ZNF638: variants seen among roughly 807,000 people sequenced by gnomAD.
ZNF638 encodes zinc finger protein 638.
ZNF638 carries 46 observed loss-of-function variants against 195.6 expected under a neutral mutation model. That is an observed-to-expected ratio of 0.24 (90% CI 0.19 to 0.30). The LOEUF is 0.30. ZNF638 is among the 10% of genes least tolerant of loss of function. The pLI, the probability that ZNF638 is intolerant of heterozygous loss-of-function variation, is 1.00. For synonymous variants in ZNF638, 845 were observed against 772.0 expected (o/e 1.09, Z -1.57); for missense variants, 2,440 against 2,325.3 (o/e 1.05, Z -1.01).
At chr2:71,421,976 A>G (rs1164223273) in intron 21 of ZNF638, among the ~76,000 whole-genome samples, 2 of 152,208 alleles carry the variant, frequency 1.3e-5, no homozygotes, top group African/African-American at 2.4e-5. Flanking sequence ...ATTTGGGAAG[A>G]CCATGATGAA....
chr2:71,363,233 T>C (rs750529683), intron 4 of ZNF638, 42 bp downstream of exon 4: 3 of 1,391,406 alleles, frequency 2.2e-6, no homozygotes, highest in Non-Finnish European at 3.0e-6. Flanking sequence ...CCTGATTGTC[T>C]TTTAAAAGTA....
chr2:71,368,911 C>T (rs6740645), intron 7 of ZNF638, among the ~76,000 whole-genome samples: 72,874 of 152,128 alleles, frequency 0.48, 18,950 homozygotes, highest in Admixed American at 0.61. Context: ...TACTTTAGAA[C>T]ACCAGTTAGA....
intron 20 of ZNF638, chr2:71,408,773 A>G: frequency 2.3e-6 from 1 of 440,278 alleles, no homozygotes; most frequent in South Asian, 1.7e-5. Flanking sequence ...GTATGCTGAT[A>G]TCAGAGGTAA....
At chr2:71,432,127 CTCAA>C (rs898142145) in intron 26 of ZNF638, among the ~76,000 whole-genome samples, 1 of 152,200 alleles carries the variant, frequency 6.6e-6, no homozygotes, top group African/African-American at 2.4e-5. Context: ...CATCATACTC[CTCAA>C]TCAGACAGTT....
At position 71,423,884 on chromosome 2, in the gene ZNF638, A is replaced by T. The variant is rs1304289088; in HGVS notation, c.4370A>T (p.Lys1457Ile). 1.2e-6 allele frequency: 2 copies of T among 1,613,990 alleles called. No individual in the cohort carries two copies. The highest frequency in any genetic ancestry group is 1.7e-6 in the Non-Finnish European group (2 of 1,180,006). Residue 1457 changes from lysine to isoleucine, a missense_variant, in exon 22 of 28, where the codon AAA becomes ATA. Physicochemically the swap from Lys to Ile is moderately radical, Grantham distance 102. Coordinates refer to ENST00000264447, the MANE Select transcript of ZNF638 (RefSeq NM_014497.5). ...TTGGCAGAAAGCAGCAGTAAATTCA[A>T]ACCTACTCAGAGCAGTCTTACCAGA... ...SGLAESSSKFKPTQSSLTRGG... is the reference protein window; with the variant it reads ...SGLAESSSKFIPTQSSLTRGG...
intron 14 of ZNF638, 36 bp from the exon 15 acceptor site, chr2:71,400,442 A>T (rs2079984128): frequency 6.3e-7 from 1 of 1,582,582 alleles, no homozygotes. Flanking sequence ...CTTGATAAGT[A>T]TGTCTGCATT....
chr2:71,368,531 G>A lies in ZNF638; in HGVS notation c.2142+3G>A, dbSNP rs770394737. On this transcript the variant is annotated splice_donor_region_variant and intron_variant, in intron 7 of 27. Transcript: ENST00000264447. ...TAATTGTTCCATATAGAAAAGAGGT[G>A]AGTCATTTAGTCTGTGGCAAAAATT... 6.2e-7 allele frequency: 1 copy of A among 1,609,726 alleles called. No individual in the cohort carries two copies. Among genetic ancestry groups the A allele is most frequent in the Non-Finnish European group, 8.5e-7 (1 of 1,178,828 alleles).
chr2:71,357,376 C>T (rs942521962), intron 3 of ZNF638, among the ~76,000 whole-genome samples: 11 of 152,138 alleles, frequency 7.2e-5, no homozygotes, highest in Non-Finnish European at 1.6e-4. Flanking sequence ...TATATAGATG[C>T]TGTAAAGACA....
intron 20 of ZNF638, among the ~76,000 whole-genome samples, chr2:71,409,310 T>TA: frequency 6.6e-6 from 1 of 152,220 alleles, no homozygotes. Flanking sequence ...AACTCTATAT[T>TA]ATCTTCTCTT....
intron 17 of ZNF638, among the ~76,000 whole-genome samples, 186 bp downstream of exon 17, chr2:71,404,184 T>G (rs2080059460): frequency 6.6e-6 from 1 of 152,210 alleles, no homozygotes; most frequent in Non-Finnish European, 1.5e-5. Flanking sequence ...ACTTTCATAG[T>G]GAGGGAATCC....
chr2:71,385,466 C>G (rs1158633917), intron 10 of ZNF638, among the ~76,000 whole-genome samples: 1 of 145,620 alleles, frequency 6.9e-6, no homozygotes, highest in South Asian at 2.2e-4. Flanking sequence ...AATGAAATTA[C>G]AGAGAGAGAA....
chr2:71,396,034 C>CT (rs2079886497), intron 10 of ZNF638, 107 bp from the exon 11 acceptor site: 1 of 931,950 alleles, frequency 1.1e-6, no homozygotes. Flanking sequence ...GAGTATAGGG[C>CT]TGTTTCTTGC....
chr2:71,428,658 C>T lies in ZNF638; in HGVS notation c.5650+7C>T, dbSNP rs1306769739. ...GCCTTCCAGATGAGTGAAGGTAAAG[C>T]AGGATTGTTGGAATGGGAAGGAAAG... is the stretch of plus-strand genomic sequence containing the variant. On this transcript the variant is annotated splice_region_variant and intron_variant, in intron 25 of 27. Coordinates refer to ENST00000264447, the MANE Select transcript of ZNF638 (RefSeq NM_014497.5). The T allele has an allele frequency of 6.8e-6, 11 of 1,608,956 alleles. No homozygotes were observed. The East Asian group carries it at 2.2e-4, about 33-fold the overall frequency.
chr2:71,332,829 G>A (rs1453928304), intron 1 of ZNF638: 1 of 152,168 alleles, frequency 6.6e-6, no homozygotes, highest in African/African-American at 2.4e-5. Flanking sequence ...TTTGTCCTTA[G>A]GCGAAGTTTG....
intron 10 of ZNF638, among the ~76,000 whole-genome samples, chr2:71,381,111 T>C (rs2079528122): frequency 6.6e-6 from 1 of 152,162 alleles, no homozygotes; most frequent in African/African-American, 2.4e-5. Flanking sequence ...GGTTCTCCTT[T>C]TTCTTAGTCC....
At chr2:71,391,723 T>C (rs1198115004) in intron 10 of ZNF638, among the ~76,000 whole-genome samples, 1 of 152,190 alleles carries the variant, frequency 6.6e-6, no homozygotes, top group Non-Finnish European at 1.5e-5. Flanking sequence ...TGATATTAAC[T>C]GGCATCCCCC....
At chr2:71,429,414 C>A (rs10779954) in intron 25 of ZNF638, among the ~76,000 whole-genome samples, 4 of 151,914 alleles carry the variant, frequency 2.6e-5, no homozygotes, top group Non-Finnish European at 5.9e-5. Context: ...AATTAGCTTT[C>A]CCCCCCTTCT....
chr2:71,407,056 T>C (rs1343469947), intron 19 of ZNF638, among the ~76,000 whole-genome samples: 1 of 152,182 alleles, frequency 6.6e-6, no homozygotes, highest in African/African-American at 2.4e-5. Flanking sequence ...CAAAAATTAT[T>C]CATTTATTTA....
At chr2:71,407,262 A>G (rs1303679885) in intron 19 of ZNF638, 1 of 152,208 alleles carries the variant, frequency 6.6e-6, no homozygotes, top group Non-Finnish European at 1.5e-5. Context: ...AGAATGGAAT[A>G]TGATAAATAG....
Sources: gnomAD v4.1 joint callset for allele counts (sites outside exome capture counted in the v4.1 genomes callset) on GRCh38, gnomAD v4.1.1 for gene constraint, MANE v1.5 for transcripts, NCBI Gene and HGNC (gene_info 2026-07-23, HGNC 2026-07-21) for gene names.